KCND2: variants seen among roughly 807,000 people sequenced by gnomAD.
The protein encoded by KCND2 is potassium voltage-gated channel subfamily D member 2.
In KCND2, 16 loss-of-function variants were observed where a neutral mutation model predicts 54.4. The ratio of observed to expected loss-of-function variants is 0.29; its 90% CI spans 0.20 to 0.45. KCND2 has a LOEUF of 0.45. KCND2 is among the 20% of genes least tolerant of loss of function. KCND2 has a pLI of 1.00. For synonymous variants in KCND2, 317 were observed against 310.7 expected, an observed-to-expected ratio of 1.02 and a Z score of -0.21; for missense variants, 486 against 824.2, an observed-to-expected ratio of 0.59 and a Z score of 5.02.
chr7:120,322,436 T>A (rs1051639541), intron 1 of KCND2, among the ~76,000 whole-genome samples: 59 of 152,266 alleles, frequency 3.9e-4, no homozygotes, highest in African/African-American at 1.3e-3. Flanking sequence ...TCTACTGCTC[T>A]TTCTGCTAAA....
At chr7:120,351,573 A>G (rs1800406755) in intron 1 of KCND2, among the ~76,000 whole-genome samples, 1 of 151,920 alleles carries the variant, frequency 6.6e-6, no homozygotes, top group East Asian at 1.9e-4. Flanking sequence ...GCTCTTGTTC[A>G]GGGGTCAGAT....
intron 1 of KCND2, among the ~76,000 whole-genome samples, chr7:120,712,983 GC>G (rs1350713269): frequency 6.6e-6 from 1 of 152,120 alleles, no homozygotes; most frequent in Non-Finnish European, 1.5e-5. Context: ...GTGAGGTCAT[GC>G]CCACGTAGCC....
chr7:120,655,465 A>G (rs774286999), intron 1 of KCND2, among the ~76,000 whole-genome samples: 8 of 152,116 alleles, frequency 5.3e-5, no homozygotes, highest in East Asian at 1.9e-4. Flanking sequence ...TTCATCACAG[A>G]AGAGAAACAA....
chr7:120,603,853 A>T (rs1363792149), intron 1 of KCND2, among the ~76,000 whole-genome samples: 1 of 152,194 alleles, frequency 6.6e-6, no homozygotes, highest in Non-Finnish European at 1.5e-5. Context: ...TGCAATCCAA[A>T]TTATACCCTT....
At chr7:120,477,050 G>A (rs779834432) in intron 1 of KCND2, among the ~76,000 whole-genome samples, 2 of 152,122 alleles carry the variant, frequency 1.3e-5, no homozygotes, top group Non-Finnish European at 2.9e-5. Flanking sequence ...GCCTAGCATT[G>A]GTGCATAATG....
At chr7:120,378,960 T>C (rs1284935715) in intron 1 of KCND2, among the ~76,000 whole-genome samples, 1 of 152,036 alleles carries the variant, frequency 6.6e-6, no homozygotes, top group East Asian at 1.9e-4. Flanking sequence ...AAGAACTCAT[T>C]TGTAACTGAA....
intron 1 of KCND2, among the ~76,000 whole-genome samples, chr7:120,580,684 T>C (rs1314120759): frequency 2.0e-5 from 3 of 152,248 alleles, no homozygotes; most frequent in African/African-American, 4.8e-5. Flanking sequence ...TTATTTTATC[T>C]TGTAAGAAAC....
intron 1 of KCND2, among the ~76,000 whole-genome samples, chr7:120,515,114 C>A (rs1383857909): frequency 6.6e-6 from 1 of 151,892 alleles, no homozygotes; most frequent in African/African-American, 2.4e-5. Flanking sequence ...ATATAAATTG[C>A]TCTCACTCTT....
At chr7:120,446,462 T>G (rs2116207590) in intron 1 of KCND2, among the ~76,000 whole-genome samples, 1 of 152,264 alleles carries the variant, frequency 6.6e-6, no homozygotes, top group South Asian at 2.1e-4. Flanking sequence ...TCTACTTGAA[T>G]TATTCTCTTT....
intron 1 of KCND2, among the ~76,000 whole-genome samples, chr7:120,501,719 T>C (rs1802937709): frequency 6.6e-6 from 1 of 152,150 alleles, no homozygotes; most frequent in African/African-American, 2.4e-5. Flanking sequence ...AGAAACTCGA[T>C]AAGCCAATCC....
intron 1 of KCND2, among the ~76,000 whole-genome samples, chr7:120,458,803 CTCT>C (rs1208964813): frequency 6.6e-6 from 1 of 151,408 alleles, no homozygotes; most frequent in Non-Finnish European, 1.5e-5. Flanking sequence ...CCAGGAAATC[CTCT>C]TGACTCTTCC....
intron 1 of KCND2, among the ~76,000 whole-genome samples, chr7:120,360,620 G>C (rs1319866974): frequency 6.6e-6 from 1 of 151,994 alleles, no homozygotes; most frequent in Admixed American, 6.6e-5. Context: ...TTTTAATTAA[G>C]CATCTGATTT....
chr7:120,446,703 A>G (rs891846734), intron 1 of KCND2, among the ~76,000 whole-genome samples: 12 of 152,194 alleles, frequency 7.9e-5, no homozygotes, highest in South Asian at 2.1e-4. Context: ...ATACTCATAG[A>G]TGAACTGGAG....
intron 1 of KCND2, among the ~76,000 whole-genome samples, chr7:120,583,788 G>A (rs113465038): frequency 2.0e-5 from 3 of 149,658 alleles, no homozygotes; most frequent in Admixed American, 1.3e-4. Context: ...GAATTGTGGG[G>A]GGGGGGACAA....
chr7:120,585,649 T>G (rs993310961), intron 1 of KCND2, among the ~76,000 whole-genome samples: 2 of 152,014 alleles, frequency 1.3e-5, no homozygotes, highest in African/African-American at 4.8e-5. Flanking sequence ...AGGGCAGGTG[T>G]CATCCATATA....
chr7:120,300,158 C>G (rs1249915621), intron 1 of KCND2, among the ~76,000 whole-genome samples: 1 of 152,062 alleles, frequency 6.6e-6, no homozygotes. Flanking sequence ...TGGTAAGGGA[C>G]ACAATTTTTT....
rs1368060697 is a variant in KCND2, at chr7:120,309,468, TATATATACAC to T, written c.1115+33723_1115+33732del. ...AATAGAAAACATATATATATATATA[TATATATACAC>T]ACACACACACACACACACACACACA... On this transcript the variant is annotated intron_variant, in intron 1 of 5. Coordinates refer to ENST00000331113, the MANE Select transcript of KCND2 (RefSeq NM_012281.3). Among the ~76,000 whole-genome samples the T allele has an allele frequency of 3.8e-4, 47 of 123,298 alleles. 1 individual carries two copies. Among genetic ancestry groups the T allele is most frequent in the Admixed American group, 3.3e-4 (4 of 12,094 alleles). The allele number at this position is 123,298 out of a possible 152,430, so 80.9% of individuals were successfully genotyped here.
rs1221856771 is a variant in KCND2 at position 120,275,700 on chromosome 7, C to T, written c.1068C>T (p.Ser356=). The T allele has an allele frequency of 2.5e-6, 4 of 1,601,612 alleles. No homozygotes were observed. The highest frequency in any genetic ancestry group is 1.1e-5 in the South Asian group (1 of 91,076). ...GGTCTTCGGCTAGCAAGTTCACCAGCATCCCTGCAGCCTTCTGGTATACCA... is the reference window on the plus strand; with the variant it reads ...GGTCTTCGGCTAGCAAGTTCACCAGTATCCCTGCAGCCTTCTGGTATACCA... ...EKGSSASKFT[S]IPAAFWYTIV... Residue 356 remains serine, a synonymous_variant, in exon 1 of 6, where the codon AGC becomes AGT. Coordinates refer to ENST00000331113, the MANE Select transcript of KCND2 (RefSeq NM_012281.3).
chr7:120,449,052 A>G (rs10247384), intron 1 of KCND2, among the ~76,000 whole-genome samples: 41,801 of 151,970 alleles, frequency 0.28, 8,353 homozygotes, highest in East Asian at 0.56. Context: ...TTTCTCAGCC[A>G]GGCGCGGTGG....
Sources: gnomAD v4.1 joint callset for allele counts (sites outside exome capture counted in the v4.1 genomes callset) on GRCh38, gnomAD v4.1.1 for gene constraint, MANE v1.5 for transcripts, NCBI Gene and HGNC (gene_info 2026-07-23, HGNC 2026-07-21) for gene names.